The following HADH variants were observed in gnomAD, a reference collection of about 807,000 sequenced individuals.
The protein encoded by HADH is hydroxyacyl-CoA dehydrogenase, also known as hydroxyacyl-coenzyme A dehydrogenase, mitochondrial.
In HADH, 24 loss-of-function variants were observed where a neutral mutation model predicts 32.2. That is an observed-to-expected ratio of 0.75 (90% CI 0.54 to 1.05). HADH has a LOEUF of 1.05. HADH is among the 50% of genes least tolerant of loss of function. The probability of loss-of-function intolerance (pLI) is 0.00; values close to 1 mark genes in which losing one functional copy is unlikely to be tolerated. For missense variants in HADH, 350 were observed against 397.1 expected (o/e 0.88, Z 1.01); for synonymous variants, 139 against 152.5 (o/e 0.91, Z 0.65).
At chr4:108,022,718 A>G (rs902073506) in intron 4 of HADH, among the ~76,000 whole-genome samples, 20 of 152,180 alleles carry the variant, frequency 1.3e-4, no homozygotes, top group African/African-American at 4.6e-4. Flanking sequence ...TAATTAAATA[A>G]TGGAAGTCAG....
intron 6 of HADH, chr4:108,032,785 C>A (rs1736316772): frequency 6.1e-6 from 2 of 327,430 alleles, no homozygotes; most frequent in South Asian, 3.1e-5. Flanking sequence ...GAGTTTGAGC[C>A]CAGACTGGCC....
chr4:107,990,743 CTTTTT>C (rs553014808), intron 1 of HADH, among the ~76,000 whole-genome samples: 3 of 111,846 alleles, frequency 2.7e-5, no homozygotes, highest in Non-Finnish European at 5.3e-5. Context: ...AAGTCTCTCT[CTTTTT>C]TTTTTTTTTT....
At chr4:108,006,055 A>G (rs1309150023) in intron 1 of HADH, among the ~76,000 whole-genome samples, 1 of 152,210 alleles carries the variant, frequency 6.6e-6, no homozygotes, top group Non-Finnish European at 1.5e-5. Context: ...ATAGTCAAGG[A>G]AGCAAGTGCA....
intron 4 of HADH, among the ~76,000 whole-genome samples, chr4:108,023,168 A>G (rs1267118083): frequency 6.6e-6 from 1 of 151,876 alleles, no homozygotes; most frequent in Non-Finnish European, 1.5e-5. Context: ...TAATTTTTGT[A>G]TTTTTAGTAG....
intron 1 of HADH, among the ~76,000 whole-genome samples, chr4:107,998,084 C>G (rs1735009497): frequency 6.6e-6 from 1 of 152,172 alleles, no homozygotes; most frequent in African/African-American, 2.4e-5. Flanking sequence ...CAGCCACAGC[C>G]AGGCAGGGTC....
chr4:108,034,107 T>G (rs999388818), intron 7 of HADH, 132 bp from the exon 8 acceptor site: 1 of 758,262 alleles, frequency 1.3e-6, no homozygotes, highest in African/African-American at 1.7e-5. Flanking sequence ...TCTGCAGTGG[T>G]GGCCGGAGGG....
rs1031214336 is a variant in HADH at position 108,027,318 on chromosome 4, C to T, written c.637-370C>T. ...TCTTCACAACTTTGAGACAAACTGTCACCCCCAGTTCACAGATGATGAAAC... is the reference window on the plus strand; with the variant it reads ...TCTTCACAACTTTGAGACAAACTGTTACCCCCAGTTCACAGATGATGAAAC... On this transcript the variant is annotated intron_variant, in intron 5 of 7. Coordinates refer to ENST00000309522, the MANE Select transcript of HADH (RefSeq NM_005327.7). 49 of 364,694 alleles carry T rather than the reference C, an allele frequency of 1.3e-4. 1 individual carries two copies. Among genetic ancestry groups the T allele is most frequent in the South Asian group, 1.1e-3 (47 of 41,066 alleles). 22.6% of individuals were successfully genotyped at this position (364,694 alleles called of 1,614,324 possible). A position where few individuals can be genotyped will look rare whatever the true frequency, so the allele number is the denominator to read the frequency against.
chr4:107,997,841 T>C (rs1735001708), intron 1 of HADH, among the ~76,000 whole-genome samples: 1 of 152,152 alleles, frequency 6.6e-6, no homozygotes, highest in Non-Finnish European at 1.5e-5. Flanking sequence ...AAGGCCTTTC[T>C]TTTTTTGCAG....
intron 6 of HADH, chr4:108,029,986 A>ATGGCC (rs1230354592): frequency 6.6e-6 from 1 of 152,236 alleles, no homozygotes; most frequent in African/African-American, 2.4e-5. Flanking sequence ...CCCACTCCTA[A>ATGGCC]TGGCCAGTGT....
At chr4:107,991,797 T>G (rs1245940283) in intron 1 of HADH, among the ~76,000 whole-genome samples, 1 of 152,242 alleles carries the variant, frequency 6.6e-6, no homozygotes, top group Non-Finnish European at 1.5e-5. Flanking sequence ...TAGAACAATG[T>G]GTTTTTTAGA....
intron 1 of HADH, among the ~76,000 whole-genome samples, chr4:108,003,974 A>G (rs953893314): frequency 2.0e-5 from 3 of 152,162 alleles, no homozygotes; most frequent in African/African-American, 4.8e-5. Context: ...AATGTTTTCC[A>G]TCCCCAACTT....
intron 1 of HADH, among the ~76,000 whole-genome samples, chr4:107,996,557 G>T (rs953793362): frequency 6.6e-6 from 1 of 152,036 alleles, no homozygotes; most frequent in Non-Finnish European, 1.5e-5. Flanking sequence ...TGTAAAATTC[G>T]AAGTCTAATA....
At chr4:108,011,607 C>T (rs1735496310) in intron 2 of HADH, among the ~76,000 whole-genome samples, 1 of 152,168 alleles carries the variant, frequency 6.6e-6, no homozygotes, top group African/African-American at 2.4e-5. Flanking sequence ...CTGCAGTGAA[C>T]ATTGGTATGC....
At chr4:108,032,212 T>C (rs1736291054) in intron 6 of HADH, 2 of 618,648 alleles carry the variant, frequency 3.2e-6, no homozygotes, top group African/African-American at 1.8e-5. Context: ...ATTCTACTTT[T>C]CTGATTTCAA....
chr4:108,025,841 C>T (rs1291384168), intron 5 of HADH: 1 of 152,206 alleles, frequency 6.6e-6, no homozygotes, highest in Non-Finnish European at 1.5e-5. Context: ...GATCATGCCA[C>T]TGCACTCCAG....
intron 1 of HADH, among the ~76,000 whole-genome samples, chr4:108,008,806 T>TG (rs1381312611): frequency 6.6e-6 from 1 of 152,326 alleles, no homozygotes; most frequent in East Asian, 1.9e-4. Flanking sequence ...CCTGTCCTCT[T>TG]GCTTCTGGCC....
At chr4:108,000,148 C>T (rs905207965) in intron 1 of HADH, among the ~76,000 whole-genome samples, 27 of 152,134 alleles carry the variant, frequency 1.8e-4, no homozygotes, top group Admixed American at 1.2e-3. Context: ...AAGGTCTCTC[C>T]GTACTATCTT....
At chr4:108,010,510 A>G (rs1252990959) in intron 2 of HADH, among the ~76,000 whole-genome samples, 1 of 152,232 alleles carries the variant, frequency 6.6e-6, no homozygotes, top group East Asian at 1.9e-4. Context: ...ACCTTTTGTC[A>G]TCTTGTTAAA....
rs144912476 is a variant in HADH at position 107,990,621 on chromosome 4, A to G, written c.132+557A>G. Among the ~76,000 whole-genome samples the G allele has an allele frequency of 2.2e-3, 328 of 152,212 alleles. 2 individuals carry two copies. The highest frequency in any genetic ancestry group is 7.5e-3 in the African/African-American group (313 of 41,554). On this transcript the variant is annotated intron_variant, in intron 1 of 7. Transcript: ENST00000309522. ...GAATAGTAGTAGTCATGACTTTTGT[A>G]GCACTTTGTAAAGTCACCTAATGGA...
Sources: gnomAD v4.1 joint callset for allele counts (sites outside exome capture counted in the v4.1 genomes callset) on GRCh38, gnomAD v4.1.1 for gene constraint, MANE v1.5 for transcripts, NCBI Gene and HGNC (gene_info 2026-07-23, HGNC 2026-07-21) for gene names.